Variants in CACNA1C observed in about 807,000 individuals in gnomAD.
CACNA1C encodes voltage-dependent L-type calcium channel subunit alpha-1C.
Under a neutral mutation model 229.0 loss-of-function variants are expected in CACNA1C, and 30 were observed. That is an observed-to-expected ratio of 0.13 (90% CI 0.10 to 0.18). The LOEUF (loss-of-function observed/expected upper bound fraction) is 0.18, where lower values mean the gene tolerates loss of function less well. Ranked by LOEUF, CACNA1C falls within the 10% of genes least tolerant of loss-of-function variation. CACNA1C has a pLI of 1.00. For missense variants in CACNA1C, 1,658 were observed against 2,845.0 expected (o/e 0.58, Z 9.49); for synonymous variants, 1,114 against 1,132.5 (o/e 0.98, Z 0.33).
chr12:2,432,256 G>A (rs1475585658), intron 3 of CACNA1C, among the ~76,000 whole-genome samples: 1 of 152,216 alleles, frequency 6.6e-6, no homozygotes, highest in Admixed American at 6.5e-5. Flanking sequence ...CTTTTAGGGG[G>A]CATGTGGTCG....
chr12:2,004,545 G>A (rs1338246887), intron 1 of CACNA1C: 5 of 1,447,302 alleles, frequency 3.5e-6, no homozygotes, highest in Admixed American at 2.3e-5. Context: ...CGGCCCGGGA[G>A]GCCTTCCGGC....
At position 2,222,051 on chromosome 12, in the gene CACNA1C, G is replaced by A. The variant is rs754826717; in HGVS notation, c.477+101621G>A. 6.6e-5 allele frequency: 10 copies of A among 152,192 alleles called. No homozygotes were observed. In the South Asian group the frequency reaches 8.3e-4, roughly 13 times the overall value. The allele number at this position is 152,192 out of a possible 1,614,324, so 9.4% of individuals were successfully genotyped here. A position where few individuals can be genotyped will look rare whatever the true frequency, so the allele number is the denominator to read the frequency against. ...GAAGGTATAATAGGTATACATTAGA[G>A]TGTTAATGATAAGCCAATTCAGGGA... On this transcript the variant is annotated intron_variant, in intron 3 of 46. Coordinates refer to ENST00000399655, the MANE Select transcript of CACNA1C (RefSeq NM_000719.7).
Position 2,597,363 on chromosome 12 carries a change from T to A in CACNA1C, c.2853+74T>A. 6.7e-7 allele frequency: 1 copy of A among 1,497,972 alleles called. No individual in the cohort carries two copies. Among genetic ancestry groups the A allele is most frequent in the Non-Finnish European group, 9.3e-7 (1 of 1,074,216 alleles). 92.8% of individuals were successfully genotyped at this position (1,497,972 alleles called of 1,614,324 possible). On this transcript the variant is annotated intron_variant, in intron 21 of 46. Transcript: ENST00000399655. The surrounding 1 kb of genome is among the most constrained non-coding windows in gnomAD (Gnocchi z 4.3). ...CCAGGTCTCTGCCGCTGTCTGTCGC[T>A]AACACACATGCTCCTTCCTGTTGGT...
Position 2,053,328 on chromosome 12 carries a change from TAC to T in CACNA1C, c.-233_-232del, listed in dbSNP as rs1565392994. The T allele has an allele frequency of 5.5e-6, 7 of 1,282,926 alleles. No individual in the cohort carries two copies. Among genetic ancestry groups the T allele is most frequent in the African/African-American group, 3.1e-5 (2 of 65,122 alleles). 79.5% of individuals were successfully genotyped at this position (1,282,926 alleles called of 1,614,324 possible). ...GGGCCCGGATGTACTGAGGATGCGTTACAGTTTCACTCGAGGAGGCAGTAGTG... is the reference window on the plus strand; with the variant it reads ...GGGCCCGGATGTACTGAGGATGCGTTAGTTTCACTCGAGGAGGCAGTAGTG... On this transcript the variant is annotated 5_prime_UTR_variant, in exon 1 of 47. It introduces an in-frame stop codon into an upstream open reading frame of the 5' UTR. Transcript: ENST00000399655. This position sits in a 1 kb window ranked among gnomAD's most constrained non-coding sequence, Gnocchi z 5.8.
chr12:2,597,338 C>A lies in CACNA1C; in HGVS notation c.2853+49C>A, dbSNP rs1233826159. 1 of 1,520,910 alleles carries A rather than the reference C, an allele frequency of 6.6e-7. No individual in the cohort carries two copies. Among genetic ancestry groups the A allele is most frequent in the Admixed American group, 1.7e-5 (1 of 59,884 alleles). 94.2% of individuals were successfully genotyped at this position (1,520,910 alleles called of 1,614,324 possible). On this transcript the variant is annotated intron_variant, in intron 21 of 46. Coordinates refer to ENST00000399655, the MANE Select transcript of CACNA1C (RefSeq NM_000719.7). This position sits in a 1 kb window ranked among gnomAD's most constrained non-coding sequence, Gnocchi z 4.3. ...TCCTCCTGTCCCCCTTGTGCCAGCA[C>A]CAGGTCTCTGCCGCTGTCTGTCGCT...
rs924049211 is a variant in CACNA1C, at chr12:2,354,695, G to A, written c.478-94281G>A. Reference sequence around the variant, plus strand: ...TGACCACAGACTGGCTTGTAATTTGGCTTTTCTGAGCATGGCAAGAGAATC... The same window carrying A: ...TGACCACAGACTGGCTTGTAATTTGACTTTTCTGAGCATGGCAAGAGAATC... On this transcript the variant is annotated intron_variant, in intron 3 of 46. Coordinates refer to ENST00000399655, the MANE Select transcript of CACNA1C (RefSeq NM_000719.7). This position sits in a 1 kb window ranked among gnomAD's most constrained non-coding sequence, Gnocchi z 4.6. Among the ~76,000 whole-genome samples, 1 of 152,124 alleles carries A rather than the reference G, an allele frequency of 6.6e-6. No homozygotes were observed. Among genetic ancestry groups the A allele is most frequent in the Admixed American group, 6.5e-5 (1 of 15,280 alleles).
chr12:2,365,318 G>T (rs2097693916), intron 3 of CACNA1C, among the ~76,000 whole-genome samples: 1 of 152,194 alleles, frequency 6.6e-6, no homozygotes, highest in African/African-American at 2.4e-5. Context: ...TAGGAACATG[G>T]CAAATTAACT....
intron 11 of CACNA1C, among the ~76,000 whole-genome samples, chr12:2,561,712 G>A (rs1402429416): frequency 8.5e-5 from 13 of 152,118 alleles, no homozygotes; most frequent in African/African-American, 2.2e-4. Flanking sequence ...CTGGGGCTGC[G>A]AGAGCAGAAG....
intron 3 of CACNA1C, among the ~76,000 whole-genome samples, chr12:2,447,392 C>T (rs148668391): frequency 1.3e-4 from 20 of 152,272 alleles, no homozygotes; most frequent in South Asian, 6.2e-4. Context: ...TCCTTTCCCA[C>T]GCCGCGGCGT....
rs892807484 is a variant in CACNA1C at position 2,486,097 on chromosome 12, C to T, written c.758-7C>T. ...GCTTGGTTCAGTGAGTGGCTCTGTC[C>T]CCGCAGGTCTCCAGGTGGTCCTGAA... is the stretch of plus-strand genomic sequence containing the variant. On this transcript the variant is annotated splice_polypyrimidine_tract_variant and splice_region_variant and intron_variant, in intron 5 of 46. Transcript: ENST00000399655. This position sits in a 1 kb window ranked among gnomAD's most constrained non-coding sequence, Gnocchi z 4.9. The T allele has an allele frequency of 4.4e-6, 7 of 1,594,128 alleles. No individual in the cohort carries two copies. In the Admixed American group the frequency reaches 1.0e-4, roughly 23 times the overall value.
rs1321922411 is a variant in CACNA1C, at chr12:2,486,298, G to A, written c.916+36G>A. ...CAGGCGGCTGCGCTCCCAAGGCCCT[G>A]CCCTCTATCGCTCCCAGCACCTTTC... On this transcript the variant is annotated intron_variant, in intron 6 of 46. Coordinates refer to ENST00000399655, the MANE Select transcript of CACNA1C (RefSeq NM_000719.7). This position sits in a 1 kb window ranked among gnomAD's most constrained non-coding sequence, Gnocchi z 4.9. 6 of 1,579,918 alleles carry A rather than the reference G, an allele frequency of 3.8e-6. No individual in the cohort carries two copies. The highest frequency in any genetic ancestry group is 4.5e-5 in the East Asian group (2 of 44,432).
chr12:2,478,633 C>G (rs1792896948), intron 5 of CACNA1C, among the ~76,000 whole-genome samples: 1 of 152,192 alleles, frequency 6.6e-6, no homozygotes. Flanking sequence ...CTTAAATTAA[C>G]TTGTTTAATC....
intron 3 of CACNA1C, among the ~76,000 whole-genome samples, chr12:2,391,279 G>A (rs917251938): frequency 6.6e-6 from 1 of 152,186 alleles, no homozygotes; most frequent in Non-Finnish European, 1.5e-5. Flanking sequence ...GTATCTATGG[G>A]TCTGGGGCTC....
intron 9 of CACNA1C, among the ~76,000 whole-genome samples, chr12:2,519,332 G>A (rs2099804915): frequency 6.6e-6 from 1 of 152,206 alleles, no homozygotes; most frequent in South Asian, 2.1e-4. Context: ...TGCCAGTTTT[G>A]GCAAAGCACC....
chr12:2,056,050 A>G (rs943021293), intron 1 of CACNA1C, among the ~76,000 whole-genome samples: 4 of 152,182 alleles, frequency 2.6e-5, no homozygotes, highest in African/African-American at 9.7e-5. Context: ...AGTAATGGTG[A>G]CGAAACAAAG....
At chr12:2,620,649 A>G (rs1402102310) in intron 29 of CACNA1C, among the ~76,000 whole-genome samples, 1 of 152,186 alleles carries the variant, frequency 6.6e-6, no homozygotes, top group Admixed American at 6.5e-5. Context: ...TGAGTTGACA[A>G]GCACTTTCAG....
intron 39 of CACNA1C, among the ~76,000 whole-genome samples, chr12:2,675,315 A>G (rs1253388933): frequency 6.6e-6 from 1 of 152,248 alleles, no homozygotes; most frequent in Non-Finnish European, 1.5e-5. Context: ...CATTTAATTG[A>G]TGAGATCTTC....
intron 3 of CACNA1C, among the ~76,000 whole-genome samples, chr12:2,327,020 A>G (rs1447034363): frequency 6.6e-6 from 1 of 152,206 alleles, no homozygotes; most frequent in Non-Finnish European, 1.5e-5. Context: ...TCTGCTGGGA[A>G]TGTGGATGTG....
At chr12:2,021,470 G>A (rs1451755859) in intron 1 of CACNA1C, among the ~76,000 whole-genome samples, 6 of 152,136 alleles carry the variant, frequency 3.9e-5, no homozygotes, top group Admixed American at 3.3e-4. Flanking sequence ...CCTGAGGTCA[G>A]GAGTTTGAGA....
Sources: allele counts gnomAD v4.1 joint callset (sites outside exome capture counted in the v4.1 genomes callset), GRCh38; gene constraint gnomAD v4.1.1; non-coding constraint Gnocchi (gnomAD v3.1); transcripts MANE v1.5; gene names NCBI Gene and HGNC (gene_info 2026-07-23, HGNC 2026-07-21).